OCA2: variants seen among roughly 807,000 people sequenced by gnomAD.
The protein encoded by OCA2 is OCA2 melanosomal transmembrane protein.
OCA2 carries 77 observed loss-of-function variants against 100.2 expected under a neutral mutation model. The ratio of observed to expected loss-of-function variants is 0.77; its 90% CI spans 0.64 to 0.93. The LOEUF is 0.93. Among genes scored for constraint, OCA2 ranks in the 40% least tolerant of loss-of-function variants. The probability of loss-of-function intolerance (pLI) is 0.00; values close to 1 mark genes in which losing one functional copy is unlikely to be tolerated. For synonymous variants in OCA2, 432 were observed against 439.2 expected (o/e 0.98, Z 0.21); for missense variants, 1,062 against 1,089.1 (o/e 0.98, Z 0.35).
At chr15:27,947,550 C>G (rs1041349890) in intron 18 of OCA2, among the ~76,000 whole-genome samples, 15 of 152,234 alleles carry the variant, frequency 9.9e-5, no homozygotes, top group Non-Finnish European at 1.9e-4. Context: ...CCTGGAAGGT[C>G]TGCCCTGGAG....
chr15:28,074,573 C>T (rs2044368429), intron 2 of OCA2, among the ~76,000 whole-genome samples: 1 of 150,954 alleles, frequency 6.6e-6, no homozygotes, highest in Non-Finnish European at 1.5e-5. Flanking sequence ...AATCGGGAGG[C>T]TGAGGCAGGA....
At chr15:28,005,268 C>T (rs1416919212) in intron 9 of OCA2, among the ~76,000 whole-genome samples, 1 of 152,016 alleles carries the variant, frequency 6.6e-6, no homozygotes, top group African/African-American at 2.4e-5. Context: ...AACCTAGGTT[C>T]AACCCTGCCT....
chr15:28,077,286 T>C (rs905854506), intron 2 of OCA2, among the ~76,000 whole-genome samples: 1 of 152,168 alleles, frequency 6.6e-6, no homozygotes, highest in Non-Finnish European at 1.5e-5. Context: ...CTCGAACTCC[T>C]GACCTCAGGT....
intron 23 of OCA2, among the ~76,000 whole-genome samples, chr15:27,835,920 G>A (rs923192095): frequency 5.3e-5 from 8 of 152,192 alleles, no homozygotes; most frequent in East Asian, 1.9e-4. Context: ...TGGTCACCCC[G>A]AATCAAAGTG....
intron 2 of OCA2, among the ~76,000 whole-genome samples, chr15:28,052,364 T>C (rs2043544834): frequency 6.6e-6 from 1 of 152,190 alleles, no homozygotes; most frequent in African/African-American, 2.4e-5. Flanking sequence ...ACTTGTAAAC[T>C]ACCAACTCTC....
chr15:27,958,491 C>G (rs1285614382), intron 15 of OCA2, among the ~76,000 whole-genome samples: 1 of 152,102 alleles, frequency 6.6e-6, no homozygotes, highest in Non-Finnish European at 1.5e-5. Context: ...GAGGCGCCCT[C>G]CAACCAGGCG....
At chr15:27,816,961 C>A (rs931062969) in intron 23 of OCA2, among the ~76,000 whole-genome samples, 11 of 152,258 alleles carry the variant, frequency 7.2e-5, no homozygotes, top group Admixed American at 2.6e-4. Flanking sequence ...GGCCTCCCTT[C>A]CCCTATGTCT....
Position 27,990,569 on chromosome 15 carries a change from A to G in OCA2, c.1116+7T>C. 1 of 1,613,710 alleles carries G rather than the reference A, an allele frequency of 6.2e-7. No homozygotes were observed. Among genetic ancestry groups the G allele is most frequent in the Non-Finnish European group, 8.5e-7 (1 of 1,179,742 alleles). On this transcript the variant is annotated splice_region_variant and intron_variant, in intron 10 of 23. Coordinates refer to ENST00000354638, the MANE Select transcript of OCA2 (RefSeq NM_000275.3). The stretch of plus-strand genomic sequence containing the variant: ...GTAAGCCAGGGATTGGGACTGTGAC[A>G]ACTTACATCGCCAATCACAGCCAGT...
At chr15:27,732,074 G>A in the OCA2 span, among the ~76,000 whole-genome samples, 1 of 152,174 alleles carries the variant, frequency 6.6e-6, no homozygotes, top group Non-Finnish European at 1.5e-5. Flanking sequence ...CAGGCTTGCT[G>A]GCAAGAGATG....
chr15:27,814,210 TA>T (rs2034189238), intron 23 of OCA2, among the ~76,000 whole-genome samples: 1 of 146,082 alleles, frequency 6.8e-6, no homozygotes, highest in African/African-American at 2.6e-5. Context: ...TTTATTTTTT[TA>T]ATTAAAAAAA....
intron 23 of OCA2, among the ~76,000 whole-genome samples, chr15:27,821,646 GCACA>G (rs971948045): frequency 3.6e-5 from 4 of 110,066 alleles, no homozygotes; most frequent in Admixed American, 2.0e-4. Flanking sequence ...ACACAAGTGT[GCACA>G]CAGACACAGG....
chr15:28,096,686 T>C (rs981330236), intron 1 of OCA2, among the ~76,000 whole-genome samples: 1 of 152,208 alleles, frequency 6.6e-6, no homozygotes, highest in Non-Finnish European at 1.5e-5. Context: ...GGTTAAAAGC[T>C]TCTAGAACGT....
chr15:27,996,119 C>T (rs1396961386), intron 9 of OCA2, among the ~76,000 whole-genome samples: 1 of 152,122 alleles, frequency 6.6e-6, no homozygotes, highest in Admixed American at 6.5e-5. Flanking sequence ...CCGCAACACA[C>T]TCTTGAGCAA....
At chr15:27,882,533 T>A (rs746959448) in intron 19 of OCA2, among the ~76,000 whole-genome samples, 2 of 152,202 alleles carry the variant, frequency 1.3e-5, no homozygotes, top group Non-Finnish European at 2.9e-5. Flanking sequence ...AATATCTGGG[T>A]CCTCTTAGGT....
intron 21 of OCA2, among the ~76,000 whole-genome samples, chr15:27,864,029 A>T (rs889457814): frequency 2.4e-4 from 36 of 151,898 alleles, no homozygotes; most frequent in Admixed American, 6.6e-4. Context: ...TGGTCTGTGG[A>T]CCATGGAAGA....
At position 27,957,535 on chromosome 15, in the gene OCA2, T is replaced by C. The variant is rs997304283; in HGVS notation, c.1784+53A>G. ...CTAATGTCGCTATTTTGTAGGCCCA[T>C]GGAATGTTCTGCTGCACACCAAGCA... On this transcript the variant is annotated intron_variant, in intron 16 of 23. Transcript: ENST00000354638. The surrounding 1 kb of genome is among the most constrained non-coding windows in gnomAD (Gnocchi z 4.3). 8.1e-6 allele frequency: 13 copies of C among 1,603,590 alleles called. No homozygotes were observed. The highest frequency in any genetic ancestry group is 1.0e-5 in the Non-Finnish European group (12 of 1,173,464).
chr15:28,040,499 A>G (rs920089192), intron 2 of OCA2, among the ~76,000 whole-genome samples: 1 of 152,180 alleles, frequency 6.6e-6, no homozygotes, highest in Non-Finnish European at 1.5e-5. Flanking sequence ...AATAATAAAT[A>G]TTAGAGAGGA....
intron 19 of OCA2, among the ~76,000 whole-genome samples, chr15:27,885,272 C>G (rs981115871): frequency 1.3e-5 from 2 of 152,140 alleles, no homozygotes; most frequent in Non-Finnish European, 2.9e-5. Flanking sequence ...TAAATTAGAG[C>G]CTTTATCCTG....
intron 21 of OCA2, among the ~76,000 whole-genome samples, chr15:27,857,505 A>G (rs1420756741): frequency 6.6e-6 from 1 of 152,208 alleles, no homozygotes; most frequent in Non-Finnish European, 1.5e-5. Context: ...ACAATAATAT[A>G]AATTTACTTA....
Sources: allele counts gnomAD v4.1 joint callset (sites outside exome capture counted in the v4.1 genomes callset), GRCh38; gene constraint gnomAD v4.1.1; non-coding constraint Gnocchi (gnomAD v3.1); transcripts MANE v1.5; gene names NCBI Gene and HGNC (gene_info 2026-07-23, HGNC 2026-07-21).